NTSR2: variants seen among roughly 807,000 people sequenced by gnomAD.
The protein encoded by NTSR2 is neurotensin receptor 2.
A neutral mutation model predicts 24.1 loss-of-function variants in NTSR2; 22 were observed. The observed-to-expected ratio is 0.91, with a 90% CI of 0.65 to 1.30. The LOEUF (loss-of-function observed/expected upper bound fraction) is 1.30, where lower values mean the gene tolerates loss of function less well. Among genes scored for constraint, NTSR2 ranks in the 50% most tolerant of loss-of-function variants. The pLI, the probability that NTSR2 is intolerant of heterozygous loss-of-function variation, is 0.00. For synonymous variants in NTSR2, 291 were observed against 267.0 expected (o/e 1.09, Z -0.88); for missense variants, 570 against 570.4 (o/e 1.00, Z 0.01).
intron 3 of NTSR2, among the ~76,000 whole-genome samples, chr2:11,659,500 C>T (rs1262641621): frequency 6.6e-6 from 1 of 152,224 alleles, no homozygotes; most frequent in African/African-American, 2.4e-5. Flanking sequence ...TCACATGGCT[C>T]TTTCTGTGGA....
In NTSR2 at chr2:11,665,055, G is replaced by GT. The variant is rs34751276; in HGVS notation, c.625-2816dup. ...AAACATTGCTTGGCACTTTGGCACT[G>GT]TTTTTTTTTTTTTTTTTTTTTTTTT... On this transcript the variant is annotated intron_variant, in intron 1 of 3. Coordinates refer to ENST00000306928, the MANE Select transcript of NTSR2 (RefSeq NM_012344.4). Among the ~76,000 whole-genome samples the GT allele has an allele frequency of 7.3e-4, 78 of 106,668 alleles. 2 individuals are homozygous for GT. Among genetic ancestry groups the GT allele is most frequent in the Non-Finnish European group, 1.1e-3 (59 of 55,338 alleles). The allele number at this position is 106,668 out of a possible 152,430, so 70.0% of individuals were successfully genotyped here.
At chr2:11,661,184 T>C (rs904469522) in intron 2 of NTSR2, among the ~76,000 whole-genome samples, 2 of 152,174 alleles carry the variant, frequency 1.3e-5, no homozygotes, top group Admixed American at 6.5e-5. Flanking sequence ...TAACACACAC[T>C]GAAGTTTGAG....
chr2:11,668,732 A>G (rs1661256730), intron 1 of NTSR2, among the ~76,000 whole-genome samples: 2 of 152,228 alleles, frequency 1.3e-5, no homozygotes, highest in South Asian at 4.1e-4. Context: ...GGCTTGTAGA[A>G]CGATGCGGAA....
At chr2:11,669,459 C>CGGGGGGGGGGGGGGGGGGGGGGGGGGGGG in intron 1 of NTSR2, 47 bp downstream of exon 1, 2 of 337,896 alleles carry the variant, frequency 5.9e-6, no homozygotes. Flanking sequence ...CTCCCAGCAC[C>CGGGGGGGGGGGGGGGGGGGGGGGGGGGGG]GCCCCCCCAC....
rs1558700381 is a variant in NTSR2 at position 11,669,396 on chromosome 2, T to C, written c.624+110A>G. On this transcript the variant is annotated intron_variant, in intron 1 of 3. Transcript: ENST00000306928. ...CAACAAGACCCAACTTGCTGGGTGG[T>C]GGCGAGCATTAGAGTCGAAAATGTC... The C allele has an allele frequency of 1.7e-5, 16 of 933,882 alleles. No homozygotes were observed. In the South Asian group the frequency reaches 4.0e-4, roughly 23 times the overall value. The allele number at this position is 933,882 out of a possible 1,614,324, so 57.8% of individuals were successfully genotyped here.
At chr2:11,667,256 A>G (rs1264045736) in intron 1 of NTSR2, among the ~76,000 whole-genome samples, 2 of 152,036 alleles carry the variant, frequency 1.3e-5, no homozygotes. Context: ...ATCATTTGCA[A>G]CATAGAGTTC....
chr2:11,669,388 CTGGGTGG>C, intron 1 of NTSR2, 111 bp downstream of exon 1: 1 of 901,268 alleles, frequency 1.1e-6, no homozygotes, highest in Non-Finnish European at 1.5e-6. Context: ...ACCCAACTTG[CTGGGTGG>C]TGGCGAGCAT....
chr2:11,669,459 C>CCGGGCGGGGGG, intron 1 of NTSR2, 47 bp downstream of exon 1: 5 of 337,886 alleles, frequency 1.5e-5, no homozygotes, highest in Non-Finnish European at 1.6e-5. Flanking sequence ...CTCCCAGCAC[C>CCGGGCGGGGGG]GCCCCCCCAC....
chr2:11,669,837 T>C lies in NTSR2; in HGVS notation c.293A>G (p.His98Arg), dbSNP rs371151625. The C allele has an allele frequency of 1.7e-4, 264 of 1,582,880 alleles. No individual in the cohort carries two copies. Among genetic ancestry groups the C allele is most frequent in the Non-Finnish European group, 2.1e-4 (250 of 1,171,164 alleles). The part of the protein sequence containing the change: ...PVELYSFVWF[H>R]YPWVFGDLGC... ...CAGGTCGCCGAAGACCCAGGGGTAG[T>C]GGAACCACACGAAGCTGTAGAGCTC... Residue 98 changes from histidine to arginine, a missense_variant, in exon 1 of 4, where the codon CAC (histidine) becomes CGC (arginine). Coordinates refer to ENST00000306928, the MANE Select transcript of NTSR2 (RefSeq NM_012344.4).
intron 1 of NTSR2, 76 bp from the exon 2 acceptor site, chr2:11,662,316 C>T: frequency 7.3e-7 from 1 of 1,360,994 alleles, no homozygotes. Flanking sequence ...TGCCCCAGAC[C>T]CGGAATCTGC....
intron 3 of NTSR2, among the ~76,000 whole-genome samples, chr2:11,659,616 T>G (rs1446723874): frequency 6.6e-6 from 1 of 152,176 alleles, no homozygotes; most frequent in African/African-American, 2.4e-5. Flanking sequence ...TCTCCAACCA[T>G]GTCATAAAAG....
In NTSR2 at chr2:11,669,514, A is replaced by G; in HGVS notation, c.616T>C (p.Phe206Leu). 1 of 1,159,068 alleles carries G rather than the reference A, an allele frequency of 8.6e-7. No individual in the cohort carries two copies. Among genetic ancestry groups the G allele is most frequent in the Non-Finnish European group, 1.1e-6 (1 of 928,368 alleles). 71.8% of individuals were successfully genotyped at this position (1,159,068 alleles called of 1,614,324 possible). Residue 206 changes from phenylalanine (F) to leucine (L), a missense_variant, in exon 1 of 4, where the codon TTT (phenylalanine) becomes CTT (leucine). Physicochemically the swap from Phe to Leu is conservative, Grantham distance 22. Transcript: ENST00000306928. ...VLVSRTALQV[F>L]IQVNVLVSFV... ...GCTCTCCACGCCCTTACCTGGATAA[A>G]GACTTGGAGCGCGGTGCGGCTCACC...
chr2:11,665,048 T>C (rs1271430189), intron 1 of NTSR2, among the ~76,000 whole-genome samples: 4 of 146,730 alleles, frequency 2.7e-5, no homozygotes, highest in Admixed American at 1.4e-4. Flanking sequence ...CTTGGCACTT[T>C]GGCACTGTTT....
intron 1 of NTSR2, among the ~76,000 whole-genome samples, chr2:11,663,109 CATG>C (rs1661114849): frequency 6.6e-6 from 1 of 152,194 alleles, no homozygotes; most frequent in Non-Finnish European, 1.5e-5. Context: ...TTATGACAAA[CATG>C]AGGATAAAAG....
chr2:11,665,118 G>A (rs1661168533), intron 1 of NTSR2, among the ~76,000 whole-genome samples: 1 of 135,950 alleles, frequency 7.4e-6, no homozygotes, highest in Non-Finnish European at 1.5e-5. Context: ...CAGCCTGGAA[G>A]TCACTAGTCC....
At chr2:11,669,460 G>GGGGGGCGGGGGGAGCCCCCCCC in intron 1 of NTSR2, 46 bp downstream of exon 1, 1 of 254,726 alleles carries the variant, frequency 3.9e-6, no homozygotes, top group Non-Finnish European at 6.9e-6. Flanking sequence ...TCCCAGCACC[G>GGGGGGCGGGGGGAGCCCCCCCC]CCCCCCCACC....
rs1180394477 is a variant in NTSR2 at position 11,670,117 on chromosome 2, T to C, written c.13A>G (p.Ser5Gly). 2.2e-6 allele frequency: 3 copies of C among 1,379,072 alleles called. No individual in the cohort carries two copies. Among genetic ancestry groups the C allele is most frequent in the Non-Finnish European group, 2.8e-6 (3 of 1,073,440 alleles). 85.4% of individuals were successfully genotyped at this position (1,379,072 alleles called of 1,614,324 possible). A position where few individuals can be genotyped will look rare whatever the true frequency, so the allele number is the denominator to read the frequency against. Residue 5 changes from serine to glycine, a missense_variant, in exon 1 of 4, where the codon AGC (serine) becomes GGC (glycine). Coordinates refer to ENST00000306928, the MANE Select transcript of NTSR2 (RefSeq NM_012344.4). ...GAGCTGGGCCGCGGGGGCCGCGGGC[T>C]GCTGGTTTCCATCCCGCTCCCGCGG... METS[S>G]PRPPRPSSNP...
In NTSR2 at chr2:11,669,607, C is replaced by T; in HGVS notation, c.523G>A (p.Gly175Arg). The T allele has an allele frequency of 6.3e-7, 1 of 1,583,994 alleles. No homozygotes were observed. The highest frequency in any genetic ancestry group is 8.5e-7 in the Non-Finnish European group (1 of 1,172,400). The change falls in exon 1 of 4, where the codon GGG becomes AGG. Residue 175 changes from glycine to arginine, a missense_variant. By Grantham distance (125) the Gly-to-Arg change is moderately radical. Coordinates refer to ENST00000306928, the MANE Select transcript of NTSR2 (RefSeq NM_012344.4). ...GCCGTCTCGAGTTCGTGCTTCTGCC[C>T]CATGATGACGGCCATGGGCAGGGCG... ...GLALPMAVIMGQKHELETADG... is the reference protein window; with the variant it reads ...GLALPMAVIMRQKHELETADG...
chr2:11,664,327 A>C (rs143718151), intron 1 of NTSR2, among the ~76,000 whole-genome samples: 1 of 152,276 alleles, frequency 6.6e-6, no homozygotes, highest in Non-Finnish European at 1.5e-5. Flanking sequence ...TATGCTGCCC[A>C]GGCTGGTCCT....
Sources: gnomAD v4.1 joint callset for allele counts (sites outside exome capture counted in the v4.1 genomes callset) on GRCh38, gnomAD v4.1.1 for gene constraint, MANE v1.5 for transcripts, NCBI Gene and HGNC (gene_info 2026-07-23, HGNC 2026-07-21) for gene names.